The following NBAS variants were observed in gnomAD, a reference collection of about 807,000 sequenced individuals.
The protein encoded by NBAS is NBAS subunit of NRZ tethering complex, also known as NAG/BC035112 fusion.
Under a neutral mutation model 302.5 loss-of-function variants are expected in NBAS, and 219 were observed. The observed-to-expected ratio is 0.72, with a 90% CI of 0.65 to 0.81. The LOEUF is 0.81. Among genes scored for constraint, NBAS ranks in the 30% least tolerant of loss-of-function variants. The probability of loss-of-function intolerance (pLI) is 0.00; values close to 1 mark genes in which losing one functional copy is unlikely to be tolerated. For synonymous variants in NBAS, 1,118 were observed against 1,021.6 expected, an observed-to-expected ratio of 1.09 and a Z score of -1.80; for missense variants, 2,932 against 2,841.6, an observed-to-expected ratio of 1.03 and a Z score of -0.72.
chr2:15,487,365 G>C (rs1029266532), intron 12 of NBAS, among the ~76,000 whole-genome samples: 1 of 152,054 alleles, frequency 6.6e-6, no homozygotes, highest in Non-Finnish European at 1.5e-5. Context: ...GTCATCCCTC[G>C]GTATATGCAG....
At chr2:15,506,751 CA>C (rs1661872937) in intron 10 of NBAS, among the ~76,000 whole-genome samples, 1 of 151,410 alleles carries the variant, frequency 6.6e-6, no homozygotes, top group African/African-American at 2.4e-5. Flanking sequence ...AAGTAGACAC[CA>C]ATGTACAAAT....
intron 1 of NBAS, among the ~76,000 whole-genome samples, chr2:15,560,113 AACTCAC>A (rs761482392): frequency 2.0e-5 from 3 of 152,190 alleles, no homozygotes; most frequent in Non-Finnish European, 4.4e-5. Context: ...AATGTAAGAT[AACTCAC>A]ATGGGCTGGA....
the NBAS span, among the ~76,000 whole-genome samples, chr2:15,134,418 G>A: frequency 6.6e-6 from 1 of 151,880 alleles, no homozygotes; most frequent in Admixed American, 6.6e-5. Flanking sequence ...CTAGTCTATG[G>A]TATTTTTGTT....
intron 26 of NBAS, among the ~76,000 whole-genome samples, chr2:15,396,716 T>A (rs1271721935): frequency 7.0e-6 from 1 of 143,586 alleles, no homozygotes; most frequent in Non-Finnish European, 1.5e-5. Flanking sequence ...TAGGGTACTT[T>A]TGGTTCAGTT....
At position 15,559,065 on chromosome 2, in the gene NBAS, A is replaced by AAAAAAAAAAAAG; in HGVS notation, c.118-432_118-431insCTTTTTTTTTTT. ...GTGACAGAGTGAGACCCTGCCTCAA[A>AAAAAAAAAAAAG]AAAAAAAAAAAAAAAAAAAAAAGTA... On this transcript the variant is annotated intron_variant, in intron 1 of 51. Transcript: ENST00000281513. 1.4e-5 allele frequency among the ~76,000 whole-genome samples: 2 copies of AAAAAAAAAAAAG among 143,898 alleles called. 1 individual carries two copies. Among genetic ancestry groups the AAAAAAAAAAAAG allele is most frequent in the Non-Finnish European group, 3.0e-5 (2 of 66,196 alleles). 94.4% of individuals were successfully genotyped at this position (143,898 alleles called of 152,430 possible). A position where few individuals can be genotyped will look rare whatever the true frequency, so the allele number is the denominator to read the frequency against.
intron 35 of NBAS, among the ~76,000 whole-genome samples, chr2:15,345,964 T>C (rs1457556476): frequency 6.6e-6 from 1 of 152,140 alleles, no homozygotes; most frequent in Non-Finnish European, 1.5e-5. Flanking sequence ...TGAGGAAAAC[T>C]GAAACTGAAC....
At chr2:14,827,691 C>A in the NBAS span, among the ~76,000 whole-genome samples, 1 of 152,012 alleles carries the variant, frequency 6.6e-6, no homozygotes, top group Admixed American at 6.6e-5. Flanking sequence ...GTGAGATAAG[C>A]CAGTCACAAA....
chr2:15,402,351 AT>A, intron 25 of NBAS, 50 bp from the exon 26 acceptor site: 2 of 1,567,674 alleles, frequency 1.3e-6, no homozygotes. Flanking sequence ...TTTATAGTCA[AT>A]TTTTCCATAT....
At chr2:15,359,322 T>G (rs1305837746) in intron 32 of NBAS, among the ~76,000 whole-genome samples, 1 of 152,258 alleles carries the variant, frequency 6.6e-6, no homozygotes, top group Non-Finnish European at 1.5e-5. Flanking sequence ...AGAAAAAGTT[T>G]TTGTCCCAAC....
intron 32 of NBAS, among the ~76,000 whole-genome samples, chr2:15,358,878 A>G (rs1219374331): frequency 1.3e-5 from 2 of 152,216 alleles, no homozygotes; most frequent in Admixed American, 6.5e-5. Flanking sequence ...CAGAATGAAA[A>G]TAATTTGGGG....
the NBAS span, among the ~76,000 whole-genome samples, chr2:15,093,655 A>T: frequency 6.6e-6 from 1 of 152,240 alleles, no homozygotes; most frequent in African/African-American, 2.4e-5. Flanking sequence ...TGTTATTTAC[A>T]CAAATGAAAA....
At chr2:14,800,570 A>G in the NBAS span, among the ~76,000 whole-genome samples, 3 of 152,186 alleles carry the variant, frequency 2.0e-5, no homozygotes, top group South Asian at 2.1e-4. Flanking sequence ...TTGTTATGCT[A>G]TTTAGTGCTT....
At chr2:14,865,341 G>A in the NBAS span, among the ~76,000 whole-genome samples, 3 of 151,972 alleles carry the variant, frequency 2.0e-5, 1 homozygote, top group African/African-American at 7.3e-5. Context: ...AGCAGGTGGG[G>A]GTGGGGAGTC....
At chr2:15,350,079 C>T (rs569541643) in intron 35 of NBAS, among the ~76,000 whole-genome samples, 1 of 151,988 alleles carries the variant, frequency 6.6e-6, no homozygotes, top group Non-Finnish European at 1.5e-5. Context: ...CATATTAGAT[C>T]CATGTTCACC....
chr2:15,157,241 A>G, the NBAS span, among the ~76,000 whole-genome samples: 2 of 152,194 alleles, frequency 1.3e-5, no homozygotes, highest in Non-Finnish European at 2.9e-5. Flanking sequence ...GGACTGAGTG[A>G]TCATGAGAGA....
chr2:14,896,286 A>T, the NBAS span, among the ~76,000 whole-genome samples: 1 of 152,172 alleles, frequency 6.6e-6, no homozygotes, highest in Non-Finnish European at 1.5e-5. Flanking sequence ...CCAATACGCT[A>T]TGTAATGTAT....
chr2:15,199,140 A>G (rs1665759874), intron 48 of NBAS, among the ~76,000 whole-genome samples: 2 of 151,736 alleles, frequency 1.3e-5, no homozygotes, highest in Non-Finnish European at 2.9e-5. Flanking sequence ...AAAAAAAAAA[A>G]AAAAAGAGTT....
Position 15,278,563 on chromosome 2 carries a change from T to C in NBAS, c.5139-1462A>G, listed in dbSNP as rs79189996. 7.0e-3 allele frequency among the ~76,000 whole-genome samples: 1,060 copies of C among 152,264 alleles called. 11 individuals carry two copies. The highest frequency in any genetic ancestry group is 0.023 in the African/African-American group (958 of 41,560). On this transcript the variant is annotated intron_variant, in intron 42 of 51. Transcript: ENST00000281513. ...TGGCACAAAGGAAACATTCAATATA[T>C]GTATTATGAACGCCAAATAGATGAG...
At chr2:15,373,016 T>C (rs1255706791) in intron 31 of NBAS, among the ~76,000 whole-genome samples, 1 of 152,074 alleles carries the variant, frequency 6.6e-6, no homozygotes, top group Non-Finnish European at 1.5e-5. Context: ...TAACAAGAGA[T>C]ACAAACAGAG....
Sources: allele counts gnomAD v4.1 joint callset (sites outside exome capture counted in the v4.1 genomes callset), GRCh38; gene constraint gnomAD v4.1.1; transcripts MANE v1.5; gene names NCBI Gene and HGNC (gene_info 2026-07-23, HGNC 2026-07-21).